Variants in DIABLO observed in about 807,000 individuals in gnomAD.
DIABLO encodes the protein diablo homolog, mitochondrial.
A neutral mutation model predicts 31.7 loss-of-function variants in DIABLO; 32 were observed. The observed-to-expected ratio is 1.01, with a 90% CI of 0.76 to 1.35. The LOEUF is 1.35. Among genes scored for constraint, DIABLO ranks in the 40% most tolerant of loss-of-function variants. The probability of loss-of-function intolerance (pLI) is 0.00; values close to 1 mark genes in which losing one functional copy is unlikely to be tolerated. For missense variants in DIABLO, 316 were observed against 286.4 expected, an observed-to-expected ratio of 1.10 and a Z score of -0.75; for synonymous variants, 132 against 103.2, an observed-to-expected ratio of 1.28 and a Z score of -1.69.
At chr12:122,223,604 C>T (rs922755183) in intron 2 of DIABLO, among the ~76,000 whole-genome samples, 1 of 152,194 alleles carries the variant, frequency 6.6e-6, no homozygotes, top group African/African-American at 2.4e-5. Context: ...CCATGCTCCT[C>T]AGACATACCA....
intron 1 of DIABLO, chr12:122,224,922 A>G: frequency 9.2e-7 from 1 of 1,087,056 alleles, no homozygotes; most frequent in Non-Finnish European, 1.2e-6. Flanking sequence ...CAGCCTGGGC[A>G]ACATGGCTGG....
At chr12:122,219,873 A>C (rs529895617) in intron 2 of DIABLO, among the ~76,000 whole-genome samples, 3 of 151,614 alleles carry the variant, frequency 2.0e-5, no homozygotes, top group Admixed American at 1.3e-4. Context: ...GCCAAAAAAA[A>C]AAAAAGTGGA....
chr12:122,214,535 C>T (rs192754741), intron 5 of DIABLO, among the ~76,000 whole-genome samples: 1 of 152,274 alleles, frequency 6.6e-6, no homozygotes, highest in African/African-American at 2.4e-5. Flanking sequence ...AAGCAATCCT[C>T]CCACCTCTGC....
intron 3 of DIABLO, 81 bp downstream of exon 3, chr12:122,218,185 T>A: frequency 6.6e-7 from 1 of 1,504,210 alleles, no homozygotes; most frequent in Non-Finnish European, 9.2e-7. Context: ...AATACCAACA[T>A]GGGTATCAGA....
chr12:122,218,203 T>A, intron 3 of DIABLO, 63 bp downstream of exon 3: 1 of 1,585,386 alleles, frequency 6.3e-7, no homozygotes, highest in East Asian at 2.2e-5. Context: ...AGACACAATT[T>A]GGTTGTGAGC....
intron 5 of DIABLO, among the ~76,000 whole-genome samples, chr12:122,213,133 C>A (rs1018148602): frequency 6.6e-6 from 1 of 152,040 alleles, no homozygotes; most frequent in Non-Finnish European, 1.5e-5. Flanking sequence ...AGTCTGGTCT[C>A]GAACTCCTGA....
intron 1 of DIABLO, 190 bp from the exon 2 acceptor site, chr12:122,224,834 T>A (rs1465539949): frequency 1.3e-6 from 2 of 1,510,122 alleles, no homozygotes; most frequent in South Asian, 2.4e-5. Context: ...AGGGTGTTGG[T>A]GGCTCACGCC....
At chr12:122,209,367 GA>G (rs890433073) in intron 5 of DIABLO, among the ~76,000 whole-genome samples, 7 of 130,780 alleles carry the variant, frequency 5.4e-5, no homozygotes, top group African/African-American at 3.1e-4. Context: ...AAAAAAAAAA[GA>G]AAAAAAGAAA....
At chr12:122,225,341 C>G (rs1413846972) in intron 1 of DIABLO, 3 of 940,416 alleles carry the variant, frequency 3.2e-6, no homozygotes, top group Non-Finnish European at 2.5e-6. Flanking sequence ...GAGCTGAGAT[C>G]TCGCCACTGC....
chr12:122,220,984 C>T (rs1488992843), intron 2 of DIABLO: 1 of 152,148 alleles, frequency 6.6e-6, no homozygotes, highest in African/African-American at 2.4e-5. Flanking sequence ...ATTATCCTTT[C>T]TTATTTACAA....
At position 122,216,567 on chromosome 12, in the gene DIABLO, T is replaced by C. The variant is rs183090944; in HGVS notation, c.444A>G (p.Gln148=). ...AAGTGGTTTCCAGCTTCAAGTACTCTTGGTGTTTTGAAGTCATCTATATAA... is the reference window on the plus strand; with the variant it reads ...AAGTGGTTTCCAGCTTCAAGTACTCCTGGTGTTTTGAAGTCATCTATATAA... ...GARAEMTSKH[Q]EYLKLETTWM... The change falls in exon 5 of 6, where the codon CAA becomes CAG. Residue 148 remains glutamine, a synonymous_variant. Coordinates refer to ENST00000464942, the MANE Select transcript of DIABLO (RefSeq NM_001371333.1). The C allele has an allele frequency of 3.1e-6, 5 of 1,614,214 alleles. No individual in the cohort carries two copies. In the Admixed American group the frequency reaches 8.3e-5, roughly 27 times the overall value.
In DIABLO at chr12:122,208,081, C is replaced by T. The variant is rs973927358; in HGVS notation, c.*300G>A. ...AGGGCATGACAAAAAGGACTCCTCT[C>T]TCTGACCCAGGTAGGCAAAATGCTT... On this transcript the variant is annotated 3_prime_UTR_variant, in exon 6 of 6. Coordinates refer to ENST00000464942, the MANE Select transcript of DIABLO (RefSeq NM_001371333.1). The T allele has an allele frequency of 1.6e-6, 1 of 610,342 alleles. No individual in the cohort carries two copies. The highest frequency in any genetic ancestry group is 1.8e-5 in the African/African-American group (1 of 55,130). The allele number at this position is 610,342 out of a possible 1,614,324, so 37.8% of individuals were successfully genotyped here. A position where few individuals can be genotyped will look rare whatever the true frequency, so the allele number is the denominator to read the frequency against.
chr12:122,214,893 G>A (rs765837022), intron 5 of DIABLO, among the ~76,000 whole-genome samples: 3 of 152,066 alleles, frequency 2.0e-5, no homozygotes, highest in Admixed American at 6.5e-5. Flanking sequence ...GTTTCACCAC[G>A]GTGGCCAGGG....
rs1346001377 is a variant in DIABLO at position 122,224,522 on chromosome 12, G to A, written c.173C>T (p.Pro58Leu). Residue 58 changes from proline to leucine, a missense_variant, in exon 2 of 6, where the codon CCT (proline) becomes CTT (leucine). Coordinates refer to ENST00000464942, the MANE Select transcript of DIABLO (RefSeq NM_001371333.1). ...IGFGVTLCAV[P>L]IAQKSEPHSL... ...TGCACACGACAGTACCTGTGCAATA[G>A]GAACCGCACACAGGGTTACTCCAAA... 2 of 1,613,356 alleles carry A rather than the reference G, an allele frequency of 1.2e-6. No individual in the cohort carries two copies. Among genetic ancestry groups the A allele is most frequent in the South Asian group, 1.1e-5 (1 of 91,040 alleles).
At position 122,218,345 on chromosome 12, in the gene DIABLO, GA is replaced by G; in HGVS notation, c.235del (p.Ser79LeufsTer3). On this transcript the variant is annotated frameshift_variant, in exon 3 of 6. Transcript: ENST00000464942. LOFTEE classifies it high-confidence loss of function. ...GGTAGAGGTGCTATCTGTTACCAAAGACACTGCTCTCCTCATCAATGCTTCA... is the reference window on the plus strand; with the variant it reads ...GGTAGAGGTGCTATCTGTTACCAAAGCACTGCTCTCCTCATCAATGCTTCA... ...SSEALMRRAV[S>X]LVTDSTSTFL... The G allele has an allele frequency of 6.2e-7, 1 of 1,614,160 alleles. No homozygotes were observed. Among genetic ancestry groups the G allele is most frequent in the Non-Finnish European group, 8.5e-7 (1 of 1,180,040 alleles).
At chr12:122,219,159 G>A (rs1954281270) in intron 2 of DIABLO, among the ~76,000 whole-genome samples, 1 of 152,016 alleles carries the variant, frequency 6.6e-6, no homozygotes, top group Non-Finnish European at 1.5e-5. Flanking sequence ...CTTGAACCCA[G>A]GAGGCAGAGG....
intron 3 of DIABLO, chr12:122,217,157 A>G (rs1954233375): frequency 2.6e-6 from 1 of 383,280 alleles, no homozygotes. Flanking sequence ...GCTGCTGGAA[A>G]ATATATGTAA....
upstream of DIABLO, chr12:122,226,200 G>C (rs939764909): frequency 4.2e-6 from 4 of 943,890 alleles, no homozygotes; most frequent in Non-Finnish European, 6.6e-6. Flanking sequence ...TAACGGCCGC[G>C]CAAGGCAACC....
intron 5 of DIABLO, among the ~76,000 whole-genome samples, chr12:122,215,432 A>G (rs1463181145): frequency 1.3e-5 from 2 of 151,770 alleles, no homozygotes; most frequent in African/African-American, 4.8e-5. Context: ...TACAAAAACT[A>G]TTCTCTATTA....
Sources: allele counts gnomAD v4.1 joint callset (sites outside exome capture counted in the v4.1 genomes callset), GRCh38; gene constraint gnomAD v4.1.1; transcripts MANE v1.5; gene names NCBI Gene and HGNC (gene_info 2026-07-23, HGNC 2026-07-21).